The following ZSCAN5A variants were observed in gnomAD, a reference collection of about 807,000 sequenced individuals.
ZSCAN5A encodes the protein zinc finger and SCAN domain-containing protein 5A.
A neutral mutation model predicts 23.7 loss-of-function variants in ZSCAN5A; 12 were observed. The ratio of observed to expected loss-of-function variants is 0.51; its 90% CI spans 0.32 to 0.82. ZSCAN5A has a LOEUF of 0.82. ZSCAN5A is among the 40% of genes least tolerant of loss of function. The pLI, the probability that ZSCAN5A is intolerant of heterozygous loss-of-function variation, is 0.03. For missense variants in ZSCAN5A, 597 were observed against 617.9 expected (o/e 0.97, Z 0.36); for synonymous variants, 257 against 239.9 (o/e 1.07, Z -0.66).
chr19:56,309,727 G>A (rs897090089), intron 2 of ZSCAN5A, among the ~76,000 whole-genome samples: 2 of 152,176 alleles, frequency 1.3e-5, no homozygotes, highest in Non-Finnish European at 2.9e-5. Flanking sequence ...CTGCTCCTGC[G>A]GGGCGCGCCC....
At chr19:56,354,426 A>G (rs2041689148) in intron 2 of ZSCAN5A, 1 of 152,234 alleles carries the variant, frequency 6.6e-6, no homozygotes. Flanking sequence ...GAATGCACTT[A>G]AGACTAAGAT....
intron 2 of ZSCAN5A, among the ~76,000 whole-genome samples, chr19:56,268,469 T>G (rs899982649): frequency 3.3e-5 from 5 of 152,242 alleles, no homozygotes; most frequent in Non-Finnish European, 7.3e-5. Flanking sequence ...GTTTAATTTT[T>G]AAATTTAGTT....
intron 2 of ZSCAN5A, among the ~76,000 whole-genome samples, chr19:56,336,008 C>A (rs955318872): frequency 6.6e-6 from 1 of 152,190 alleles, no homozygotes; most frequent in African/African-American, 2.4e-5. Flanking sequence ...TCTCTGGCTG[C>A]CCTTAACATT....
chr19:56,246,108 G>C (rs1457326436), intron 2 of ZSCAN5A, among the ~76,000 whole-genome samples: 1 of 152,196 alleles, frequency 6.6e-6, no homozygotes, highest in Non-Finnish European at 1.5e-5. Flanking sequence ...AGCTGATTTA[G>C]AATATGGAGG....
At chr19:56,320,127 G>C (rs1461987629) in intron 2 of ZSCAN5A, 3 of 759,924 alleles carry the variant, frequency 3.9e-6, no homozygotes, top group Non-Finnish European at 7.4e-6. Context: ...TCTGTTAACT[G>C]TTCTGATCAA....
At chr19:56,300,866 A>C (rs1568722252) in intron 2 of ZSCAN5A, among the ~76,000 whole-genome samples, 1 of 152,244 alleles carries the variant, frequency 6.6e-6, no homozygotes, top group Non-Finnish European at 1.5e-5. Flanking sequence ...GAAAAATGTT[A>C]CACAGGCGAA....
chr19:56,344,176 G>C (rs953636665), intron 2 of ZSCAN5A, among the ~76,000 whole-genome samples: 1 of 152,138 alleles, frequency 6.6e-6, no homozygotes, highest in Non-Finnish European at 1.5e-5. Context: ...AACAAACTTT[G>C]GGAGGAACTC....
chr19:56,255,736 C>T (rs2036652062), intron 2 of ZSCAN5A, among the ~76,000 whole-genome samples: 1 of 151,920 alleles, frequency 6.6e-6, no homozygotes, highest in African/African-American at 2.4e-5. Context: ...TTCTCAGGGT[C>T]CCTAGGAGGG....
At chr19:56,326,482 C>T (rs2041435480) in intron 2 of ZSCAN5A, among the ~76,000 whole-genome samples, 1 of 152,128 alleles carries the variant, frequency 6.6e-6, no homozygotes, top group African/African-American at 2.4e-5. Flanking sequence ...CCCCAATCCC[C>T]CAACCCTCCA....
At chr19:56,223,914 G>T (rs2033612792) in intron 3 of ZSCAN5A, 80 bp from the exon 4 acceptor site, 1 of 1,248,962 alleles carries the variant, frequency 8.0e-7, no homozygotes, top group Non-Finnish European at 1.1e-6. Context: ...CTGCCATAAT[G>T]CTCACACTTT....
chr19:56,361,888 T>G (rs1022540421), intron 2 of ZSCAN5A, among the ~76,000 whole-genome samples: 3 of 151,984 alleles, frequency 2.0e-5, no homozygotes, highest in Non-Finnish European at 4.4e-5. Flanking sequence ...CAGGGTGCGG[T>G]GGCTCACACC....
chr19:56,358,774 T>A (rs1406333988), intron 2 of ZSCAN5A, among the ~76,000 whole-genome samples: 1 of 152,142 alleles, frequency 6.6e-6, no homozygotes, highest in Non-Finnish European at 1.5e-5. Context: ...AGAAATTCAC[T>A]CAAAAACACG....
rs552544125 is a variant in ZSCAN5A at position 56,263,283 on chromosome 19, C to T, written c.-127-38110G>A. On this transcript the variant is annotated intron_variant, in intron 2 of 5. Coordinates refer to ENST00000683990, the MANE Select transcript of ZSCAN5A (RefSeq NM_001322064.3). ...GGGTGAAGTGCATTTTAAGGGCAAG[C>T]GCTGAGCTCCAGCTTATGAGGAATA... 8.5e-5 allele frequency: 13 copies of T among 152,294 alleles called. No individual in the cohort carries two copies. In the East Asian group the frequency reaches 1.5e-3, roughly 18 times the overall value. The allele number at this position is 152,294 out of a possible 1,614,324, so 9.4% of individuals were successfully genotyped here. A position where few individuals can be genotyped will look rare whatever the true frequency, so the allele number is the denominator to read the frequency against.
rs375591326 is a variant in ZSCAN5A, at chr19:56,308,252, T to C, written c.-128+5031A>G. On this transcript the variant is annotated intron_variant, in intron 2 of 5. Coordinates refer to ENST00000683990, the MANE Select transcript of ZSCAN5A (RefSeq NM_001322064.3). ...TTTCACCATGTTGGCCAGGATGGTC[T>C]CGATCTCTTGACCTTGTGATCCGCC... is the stretch of plus-strand genomic sequence containing the variant. 1.1e-3 allele frequency among the ~76,000 whole-genome samples: 167 copies of C among 152,158 alleles called. 3 individuals are homozygous for C. Among genetic ancestry groups the C allele is most frequent in the African/African-American group, 3.8e-3 (157 of 41,514 alleles).
chr19:56,311,107 T>C (rs1370212496), intron 2 of ZSCAN5A, among the ~76,000 whole-genome samples: 2 of 152,182 alleles, frequency 1.3e-5, no homozygotes, highest in African/African-American at 4.8e-5. Flanking sequence ...GTTGTTGTTG[T>C]TGTATAGGTC....
At chr19:56,276,859 T>A (rs746628128) in intron 2 of ZSCAN5A, among the ~76,000 whole-genome samples, 2 of 152,064 alleles carry the variant, frequency 1.3e-5, no homozygotes, top group East Asian at 1.9e-4. Context: ...TATTGATATT[T>A]ACCTTATTGT....
At chr19:56,242,913 G>A (rs2035543362) in intron 2 of ZSCAN5A, among the ~76,000 whole-genome samples, 1 of 152,026 alleles carries the variant, frequency 6.6e-6, no homozygotes, top group African/African-American at 2.4e-5. Context: ...CAAGTAGCTA[G>A]GATTACAGGC....
chr19:56,315,872 G>C (rs1435964275), upstream of ZSCAN5A: 1 of 152,168 alleles, frequency 6.6e-6, no homozygotes, highest in Non-Finnish European at 1.5e-5. Context: ...AGCACACAAT[G>C]ACCCTTCAAA....
chr19:56,254,124 A>T (rs1183263847), intron 2 of ZSCAN5A, among the ~76,000 whole-genome samples: 2 of 150,498 alleles, frequency 1.3e-5, no homozygotes, highest in African/African-American at 4.9e-5. Flanking sequence ...GGTGGTTCAT[A>T]TGATGGTTCA....
Sources: gnomAD v4.1 joint callset for allele counts (sites outside exome capture counted in the v4.1 genomes callset) on GRCh38, gnomAD v4.1.1 for gene constraint, MANE v1.5 for transcripts, NCBI Gene and HGNC (gene_info 2026-07-23, HGNC 2026-07-21) for gene names.